Variants in MDGA2 observed in about 807,000 individuals in gnomAD.
MDGA2 encodes MAM domain-containing glycosylphosphatidylinositol anchor protein 2.
In MDGA2, 40 loss-of-function variants were observed where a neutral mutation model predicts 117.8. The observed-to-expected ratio is 0.34, with a 90% CI of 0.26 to 0.44. The LOEUF is 0.44. Among genes scored for constraint, MDGA2 ranks in the 20% least tolerant of loss-of-function variants. The probability of loss-of-function intolerance (pLI) is 1.00; values close to 1 mark genes in which losing one functional copy is unlikely to be tolerated. For synonymous variants in MDGA2, 452 were observed against 439.0 expected, an observed-to-expected ratio of 1.03 and a Z score of -0.37; for missense variants, 1,123 against 1,250.6, an observed-to-expected ratio of 0.90 and a Z score of 1.54.
chr14:47,574,262 C>G (rs77728241), intron 1 of MDGA2, among the ~76,000 whole-genome samples: 14,854 of 152,186 alleles, frequency 0.098, 824 homozygotes, highest in Middle Eastern at 0.15. Context: ...AGTAAAGGTA[C>G]TTTACTACTC....
At position 47,067,587 on chromosome 14, in the gene MDGA2, C is replaced by T. The variant is rs72678467; in HGVS notation, c.1196-6009G>A. 6.1e-3 allele frequency among the ~76,000 whole-genome samples: 920 copies of T among 150,264 alleles called. 1 individual carries two copies. The highest frequency in any genetic ancestry group is 9.5e-3 in the Non-Finnish European group (642 of 67,256). ...TAATAAACTCACCTACACTAAGAGC[C>T]GCGTGCCTCTTTCTTTCCAACCAAC... On this transcript the variant is annotated intron_variant, in intron 6 of 16. Coordinates refer to ENST00000399232, the MANE Select transcript of MDGA2 (RefSeq NM_001113498.3).
At chr14:47,175,123 C>A (rs549216762) in intron 3 of MDGA2, among the ~76,000 whole-genome samples, 1 of 151,666 alleles carries the variant, frequency 6.6e-6, no homozygotes, top group South Asian at 2.1e-4. Context: ...TCTGAATAGA[C>A]CAATAACAGG....
At chr14:47,396,714 G>C (rs1166499230) in intron 1 of MDGA2, among the ~76,000 whole-genome samples, 1 of 152,156 alleles carries the variant, frequency 6.6e-6, no homozygotes, top group African/African-American at 2.4e-5. Context: ...CATTTATGTG[G>C]CCAACAAGTA....
At chr14:47,370,352 T>C (rs1437541733) in intron 1 of MDGA2, among the ~76,000 whole-genome samples, 9 of 150,934 alleles carry the variant, frequency 6.0e-5, no homozygotes, top group Middle Eastern at 3.2e-3. Flanking sequence ...GGACTAAATG[T>C]TTGTGAATGG....
At chr14:47,368,097 T>C (rs996603180) in intron 1 of MDGA2, among the ~76,000 whole-genome samples, 2 of 151,664 alleles carry the variant, frequency 1.3e-5, no homozygotes, top group Non-Finnish European at 2.9e-5. Flanking sequence ...CTGGCCAACA[T>C]GGTGAAACCC....
At chr14:47,117,790 A>C (rs1362327892) in intron 5 of MDGA2, among the ~76,000 whole-genome samples, 2 of 152,188 alleles carry the variant, frequency 1.3e-5, no homozygotes, top group African/African-American at 4.8e-5. Flanking sequence ...ACAGGCATAA[A>C]GTTTAAGTCA....
chr14:47,583,146 A>G (rs1594929191), intron 1 of MDGA2, among the ~76,000 whole-genome samples: 2 of 152,038 alleles, frequency 1.3e-5, no homozygotes, highest in East Asian at 3.9e-4. Context: ...AAAGGTCTCT[A>G]TTCTCACAGA....
chr14:47,527,442 GAA>G (rs1894996080), intron 1 of MDGA2, among the ~76,000 whole-genome samples: 1 of 152,182 alleles, frequency 6.6e-6, no homozygotes. Flanking sequence ...GGAAAGAAAG[GAA>G]AAGACAGTTA....
chr14:47,170,358 G>A (rs951301391), intron 3 of MDGA2, among the ~76,000 whole-genome samples: 1 of 152,094 alleles, frequency 6.6e-6, no homozygotes, highest in African/African-American at 2.4e-5. Flanking sequence ...AACAAATAAT[G>A]CTAAATTATT....
Position 47,649,172 on chromosome 14 carries a change from G to A in MDGA2, c.280+25345C>T, listed in dbSNP as rs577647361. On this transcript the variant is annotated intron_variant, in intron 1 of 16. Coordinates refer to ENST00000399232, the MANE Select transcript of MDGA2 (RefSeq NM_001113498.3). The stretch of plus-strand genomic sequence containing the variant: ...TACATTTTTGCCAAAAAACCTATTG[G>A]GTATTTTTTTCTTCTTAATAAATGA... 6.6e-5 allele frequency among the ~76,000 whole-genome samples: 10 copies of A among 152,038 alleles called. No homozygotes were observed. The South Asian group carries it at 2.1e-3, about 32-fold the overall frequency.
intron 15 of MDGA2, among the ~76,000 whole-genome samples, 186 bp from the exon 16 acceptor site, chr14:46,846,057 C>T (rs2138272524): frequency 6.6e-6 from 1 of 152,156 alleles, no homozygotes; most frequent in African/African-American, 2.4e-5. Flanking sequence ...TTGAATCTTC[C>T]TTGCATTGTA....
intron 1 of MDGA2, among the ~76,000 whole-genome samples, chr14:47,480,205 A>G (rs1165021444): frequency 6.6e-6 from 1 of 152,098 alleles, no homozygotes; most frequent in Non-Finnish European, 1.5e-5. Context: ...ATCACACAAA[A>G]TCAAACATTT....
intron 1 of MDGA2, among the ~76,000 whole-genome samples, chr14:47,354,649 T>G (rs1192486996): frequency 1.3e-5 from 2 of 152,126 alleles, no homozygotes; most frequent in Non-Finnish European, 2.9e-5. Context: ...TTGAGAACTA[T>G]CCCCAACATT....
chr14:47,424,934 T>C (rs12590531), intron 1 of MDGA2, among the ~76,000 whole-genome samples: 48,922 of 151,976 alleles, frequency 0.32, 8,390 homozygotes, highest in East Asian at 0.59. Context: ...TGTTGGTACG[T>C]TGCAGGAGAA....
chr14:47,112,978 T>C (rs1465321490), intron 5 of MDGA2, among the ~76,000 whole-genome samples: 1 of 152,186 alleles, frequency 6.6e-6, no homozygotes, highest in Non-Finnish European at 1.5e-5. Flanking sequence ...TTCATTTGCA[T>C]TTCTCTAGTA....
chr14:47,400,972 T>C (rs954350929), intron 1 of MDGA2, among the ~76,000 whole-genome samples: 5 of 151,492 alleles, frequency 3.3e-5, no homozygotes, highest in African/African-American at 1.2e-4. Flanking sequence ...TTAGCCAGGA[T>C]GGTCTTGATC....
At chr14:47,290,083 T>A (rs1208398141) in intron 2 of MDGA2, among the ~76,000 whole-genome samples, 1 of 151,952 alleles carries the variant, frequency 6.6e-6, no homozygotes, top group African/African-American at 2.4e-5. Context: ...AAAAGACATT[T>A]TTTTTAAGAG....
In MDGA2 at chr14:46,841,716, C is replaced by G. The variant is rs1191182134; in HGVS notation, c.*215G>C. The G allele has an allele frequency of 3.1e-6, 1 of 324,112 alleles. No individual in the cohort carries two copies. The highest frequency in any genetic ancestry group is 5.6e-6 in the Non-Finnish European group (1 of 179,102). 20.1% of individuals were successfully genotyped at this position (324,112 alleles called of 1,614,324 possible). A position where few individuals can be genotyped will look rare whatever the true frequency, so the allele number is the denominator to read the frequency against. On this transcript the variant is annotated 3_prime_UTR_variant, in exon 17 of 17. Coordinates refer to ENST00000399232, the MANE Select transcript of MDGA2 (RefSeq NM_001113498.3). ...CTGAAGGTCTCTTCTCTACTCAGGT[C>G]AAGATTATCTTTTATGTTTAGTCTG...
chr14:47,373,989 G>C (rs116165640), intron 1 of MDGA2, among the ~76,000 whole-genome samples: 1,984 of 152,096 alleles, frequency 0.013, 50 homozygotes, highest in African/African-American at 0.045. Context: ...TTTCCTGTTA[G>C]TGAAGAATTC....
Sources: gnomAD v4.1 joint callset for allele counts (sites outside exome capture counted in the v4.1 genomes callset) on GRCh38, gnomAD v4.1.1 for gene constraint, MANE v1.5 for transcripts, NCBI Gene and HGNC (gene_info 2026-07-23, HGNC 2026-07-21) for gene names.